Variants in FIBIN observed in about 807,000 individuals in gnomAD.
FIBIN encodes fin bud initiation factor homolog (zebrafish).
Under a neutral mutation model 13.0 loss-of-function variants are expected in FIBIN, and 8 were observed. The observed-to-expected ratio is 0.62, with a 90% CI of 0.36 to 1.11. The LOEUF (loss-of-function observed/expected upper bound fraction) is 1.11. FIBIN is among the 50% of genes most tolerant of loss of function. The probability of loss-of-function intolerance (pLI) is 0.02; values close to 1 mark genes in which losing one functional copy is unlikely to be tolerated. For missense variants in FIBIN, 261 were observed against 260.2 expected, an observed-to-expected ratio of 1.00 and a Z score of -0.02; for synonymous variants, 127 against 114.7, an observed-to-expected ratio of 1.11 and a Z score of -0.69.
Position 26,995,117 on chromosome 11 carries a change from T to A in FIBIN, c.591T>A (p.His197Gln). 2 of 1,612,928 alleles carry A rather than the reference T, an allele frequency of 1.2e-6. No individual in the cohort carries two copies. Among genetic ancestry groups the A allele is most frequent in the Non-Finnish European group, 1.7e-6 (2 of 1,179,622 alleles). ...YELLALTIRS[H>Q]GTRLGRLKND... Reference sequence around the variant, plus strand: ...TGCTGGCCCTCACCATTAGGAGCCATGGGACCCGACTAGGTCGGCTGAAAA... The same window carrying A: ...TGCTGGCCCTCACCATTAGGAGCCAAGGGACCCGACTAGGTCGGCTGAAAA... The change falls in exon 1 of 1, where the codon CAT becomes CAA. Residue 197 changes from histidine (H) to glutamine (Q), a missense_variant. Transcript: ENST00000318627.
rs367758269 is a variant in FIBIN at position 26,994,984 on chromosome 11, G to A, written c.458G>A (p.Arg153Gln). The change falls in exon 1 of 1, where the codon CGG becomes CAG. Residue 153 changes from arginine to glutamine, a missense_variant. By Grantham distance (43) the Arg-to-Gln change is conservative (BLOSUM62 1). Coordinates refer to ENST00000318627, the MANE Select transcript of FIBIN (RefSeq NM_203371.2). ...AAGCAGGGCCAGGAACAGGACAGCC[G>A]GCAGGAGAGCAGGCTCAACGAGGAC... ...KFKQGQEQDS[R>Q]QESRLNEDFL... 3 of 1,614,022 alleles carry A rather than the reference G, an allele frequency of 1.9e-6. No individual in the cohort carries two copies. The highest frequency in any genetic ancestry group is 1.1e-5 in the South Asian group (1 of 91,062).
In FIBIN at chr11:26,996,042, C is replaced by CAATAGGGAA. The variant is rs1850923938; in HGVS notation, c.*880_*881insAATAGGGAA. On this transcript the variant is annotated 3_prime_UTR_variant, in exon 1 of 1. Transcript: ENST00000318627. ...TCTGTCTGTTTATTGGAAACTTGTA[C>CAATAGGGAA]TTCAAGTAGGGGGAATCCTAATTCT... The CAATAGGGAA allele has an allele frequency of 6.0e-6, 1 of 166,616 alleles. No individual in the cohort carries two copies. Among genetic ancestry groups the CAATAGGGAA allele is most frequent in the Admixed American group, 6.5e-5 (1 of 15,272 alleles). 10.3% of individuals were successfully genotyped at this position (166,616 alleles called of 1,614,324 possible).
Position 26,995,412 on chromosome 11 carries a change from T to G in FIBIN, c.*250T>G, listed in dbSNP as rs1464406793. ...AATTGTCACCTGGAAAGAACAATTT[T>G]AAGCAATGTCATTTCTAGATGGGTT... is the stretch of plus-strand genomic sequence containing the variant. On this transcript the variant is annotated 3_prime_UTR_variant, in exon 1 of 1. Coordinates refer to ENST00000318627, the MANE Select transcript of FIBIN (RefSeq NM_203371.2). The G allele has an allele frequency of 5.3e-5, 22 of 414,686 alleles. No homozygotes were observed. Among genetic ancestry groups the G allele is most frequent in the Non-Finnish European group, 8.8e-6 (2 of 227,222 alleles). The allele number at this position is 414,686 out of a possible 1,614,324, so 25.7% of individuals were successfully genotyped here.
chr11:26,994,498 G>A lies in FIBIN; in HGVS notation c.-29G>A. 1.3e-6 allele frequency: 2 copies of A among 1,564,398 alleles called. No individual in the cohort carries two copies. Among genetic ancestry groups the A allele is most frequent in the Non-Finnish European group, 8.7e-7 (1 of 1,152,766 alleles). ...GTGCCTGGGTAAAAAGTCTCCTCCTGGGGTCCCTGGCCATCCTGAATATCC... is the reference window on the plus strand; with the variant it reads ...GTGCCTGGGTAAAAAGTCTCCTCCTAGGGTCCCTGGCCATCCTGAATATCC... On this transcript the variant is annotated 5_prime_UTR_variant, in exon 1 of 1. Coordinates refer to ENST00000318627, the MANE Select transcript of FIBIN (RefSeq NM_203371.2).
chr11:26,994,401 C>A lies in FIBIN; in HGVS notation c.-126C>A. 2.2e-6 allele frequency: 2 copies of A among 900,426 alleles called. No individual in the cohort carries two copies. Among genetic ancestry groups the A allele is most frequent in the Non-Finnish European group, 3.3e-6 (2 of 599,110 alleles). 55.8% of individuals were successfully genotyped at this position (900,426 alleles called of 1,614,324 possible). A position where few individuals can be genotyped will look rare whatever the true frequency, so the allele number is the denominator to read the frequency against. ...CTGCTGGGGACTGGGGGCCAGGGAG[C>A]AGCAAGCCAGCTGGGACTGAGGCGG... On this transcript the variant is annotated 5_prime_UTR_variant, in exon 1 of 1. Coordinates refer to ENST00000318627, the MANE Select transcript of FIBIN (RefSeq NM_203371.2).
rs1850917566 is a variant in FIBIN at position 26,995,516 on chromosome 11, C to T, written c.*354C>T. On this transcript the variant is annotated 3_prime_UTR_variant, in exon 1 of 1. Coordinates refer to ENST00000318627, the MANE Select transcript of FIBIN (RefSeq NM_203371.2). ...GTGGTGCGGAATTAAACTTCCCCAT[C>T]CTGCAGATTATGTGGAAATACCCAA... 5.1e-6 allele frequency: 1 copy of T among 196,298 alleles called. No individual in the cohort carries two copies. Among genetic ancestry groups the T allele is most frequent in the Admixed American group, 5.9e-5 (1 of 16,970 alleles). 12.2% of individuals were successfully genotyped at this position (196,298 alleles called of 1,614,324 possible). A position where few individuals can be genotyped will look rare whatever the true frequency, so the allele number is the denominator to read the frequency against.
chr11:26,994,444 C>T lies in FIBIN; in HGVS notation c.-83C>T. 7.4e-7 allele frequency: 1 copy of T among 1,346,576 alleles called. No homozygotes were observed. The highest frequency in any genetic ancestry group is 1.4e-5 in the South Asian group (1 of 73,190). 83.4% of individuals were successfully genotyped at this position (1,346,576 alleles called of 1,614,324 possible). On this transcript the variant is annotated 5_prime_UTR_variant, in exon 1 of 1. It adds an upstream start codon to the 5' untranslated region. Coordinates refer to ENST00000318627, the MANE Select transcript of FIBIN (RefSeq NM_203371.2). ...TGAGGCGGACGCTGTCTCAGGGAGACGCTGACTCGCAAAGACACTCCCTTC... is the reference window on the plus strand; with the variant it reads ...TGAGGCGGACGCTGTCTCAGGGAGATGCTGACTCGCAAAGACACTCCCTTC...
rs924798966 is a variant in FIBIN at position 26,996,731 on chromosome 11, T to C, written c.*1569T>C. The stretch of plus-strand genomic sequence containing the variant: ...TTTTCCATTCCTATGAACTGTCTAA[T>C]ATCTTTCTATTACAGAAGGGGAAAC... On this transcript the variant is annotated 3_prime_UTR_variant, in exon 1 of 1. Transcript: ENST00000318627. 6.6e-6 allele frequency among the ~76,000 whole-genome samples: 1 copy of C among 152,212 alleles called. No homozygotes were observed. The highest frequency in any genetic ancestry group is 2.4e-5 in the African/African-American group (1 of 41,458).
Position 26,994,202 on chromosome 11 carries a change from A to ACTC in FIBIN, c.-323_-321dup, listed in dbSNP as rs1466848809. The ACTC allele has an allele frequency of 6.9e-6, 2 of 288,426 alleles. No homozygotes were observed. The highest frequency in any genetic ancestry group is 4.3e-5 in the African/African-American group (2 of 45,984). 17.9% of individuals were successfully genotyped at this position (288,426 alleles called of 1,614,324 possible). Reference sequence around the variant, plus strand: ...CTCCATCTCCCGGGAGCAAGGGGAAACTCCGAGAGGAGGGCAACAGAGCCA... The same window carrying ACTC: ...CTCCATCTCCCGGGAGCAAGGGGAAACTCCTCCGAGAGGAGGGCAACAGAGCCA... On this transcript the variant is annotated 5_prime_UTR_variant, in exon 1 of 1. Coordinates refer to ENST00000318627, the MANE Select transcript of FIBIN (RefSeq NM_203371.2).
rs1310450968 is a variant in FIBIN at position 26,996,935 on chromosome 11, C to T, written c.*1773C>T. On this transcript the variant is annotated 3_prime_UTR_variant, in exon 1 of 1. Coordinates refer to ENST00000318627, the MANE Select transcript of FIBIN (RefSeq NM_203371.2). ...CTGTACTTAAAATCAATTATAACTT[C>T]TTTTTGTTACTCAGGGCCCCACTTT... is the stretch of plus-strand genomic sequence containing the variant. Among the ~76,000 whole-genome samples the T allele has an allele frequency of 1.3e-5, 2 of 152,134 alleles. No individual in the cohort carries two copies. Among genetic ancestry groups the T allele is most frequent in the African/African-American group, 4.8e-5 (2 of 41,428 alleles).
chr11:26,994,585 T>C lies in FIBIN; in HGVS notation c.59T>C (p.Phe20Ser). ...TTCTGCCACCTGTGTCAAGGCTACTTCGATGGCCCCCTCTACCCAGAGATG... is the reference window on the plus strand; with the variant it reads ...TTCTGCCACCTGTGTCAAGGCTACTCCGATGGCCCCCTCTACCCAGAGATG... ...SFFCHLCQGYFDGPLYPEMSN... is the reference protein window; with the variant it reads ...SFFCHLCQGYSDGPLYPEMSN... The change falls in exon 1 of 1, where the codon TTC (phenylalanine) becomes TCC (serine). Residue 20 changes from phenylalanine to serine, a missense_variant. By Grantham distance (155) the Phe-to-Ser change is radical. Transcript: ENST00000318627. 1 of 1,613,556 alleles carries C rather than the reference T, an allele frequency of 6.2e-7. No individual in the cohort carries two copies. Among genetic ancestry groups the C allele is most frequent in the Non-Finnish European group, 8.5e-7 (1 of 1,179,696 alleles).
At position 26,994,326 on chromosome 11, in the gene FIBIN, G is replaced by T; in HGVS notation, c.-201G>T. 4 of 530,560 alleles carry T rather than the reference G, an allele frequency of 7.5e-6. No individual in the cohort carries two copies. The South Asian group carries it at 8.9e-5, about 12-fold the overall frequency. 32.9% of individuals were successfully genotyped at this position (530,560 alleles called of 1,614,324 possible). A position where few individuals can be genotyped will look rare whatever the true frequency, so the allele number is the denominator to read the frequency against. On this transcript the variant is annotated 5_prime_UTR_variant, in exon 1 of 1. Transcript: ENST00000318627. Reference sequence around the variant, plus strand: ...GGGCGCAAGGGTGGGTGCATCCTGCGCTGCGGCGGGCGCGCTACCCAGACG... The same window carrying T: ...GGGCGCAAGGGTGGGTGCATCCTGCTCTGCGGCGGGCGCGCTACCCAGACG...
At position 26,994,679 on chromosome 11, in the gene FIBIN, G is replaced by A. The variant is rs764455855; in HGVS notation, c.153G>A (p.Lys51=). The change falls in exon 1 of 1, where the codon AAG becomes AAA. Residue 51 remains lysine, a synonymous_variant. Coordinates refer to ENST00000318627, the MANE Select transcript of FIBIN (RefSeq NM_203371.2). ...GDYEENDDPE[K]CQLLFRVSDH... is the part of the protein sequence containing the mutation. ...ATGAGGAGAACGATGACCCCGAGAAGTGCCAGCTGCTCTTCAGGGTGAGTG... is the reference window on the plus strand; with the variant it reads ...ATGAGGAGAACGATGACCCCGAGAAATGCCAGCTGCTCTTCAGGGTGAGTG... The A allele has an allele frequency of 7.4e-6, 12 of 1,613,772 alleles. No individual in the cohort carries two copies. The highest frequency in any genetic ancestry group is 1.7e-5 in the Admixed American group (1 of 59,994).
chr11:26,994,944 C>CTGGAGAGCA lies in FIBIN; in HGVS notation c.419_427dup (p.Ser142_Lys143insMetGluSer), dbSNP rs774074818. ...CAACTCGGACAAATCCCTCACTGAG[C>CTGGAGAGCA]TGGAGAGCAAGTTCAAGCAGGGCCA... is the stretch of plus-strand genomic sequence containing the variant. On this transcript the variant is annotated inframe_insertion, in exon 1 of 1. Transcript: ENST00000318627. 3.1e-6 allele frequency: 5 copies of CTGGAGAGCA among 1,612,236 alleles called. No individual in the cohort carries two copies. Among genetic ancestry groups the CTGGAGAGCA allele is most frequent in the Non-Finnish European group, 4.2e-6 (5 of 1,179,078 alleles).
In FIBIN at chr11:26,994,548, T is replaced by G. The variant is rs762631076; in HGVS notation, c.22T>G (p.Cys8Gly). The change falls in exon 1 of 1, where the codon TGC becomes GGC. Residue 8 changes from cysteine to glycine, a missense_variant. By Grantham distance (159) the Cys-to-Gly change is radical (BLOSUM62 -3). Coordinates refer to ENST00000318627, the MANE Select transcript of FIBIN (RefSeq NM_203371.2). Reference sequence around the variant, plus strand: ...CAGAATGGTGTTTCTGAAGTTCTTCTGCATGAGTTTCTTCTGCCACCTGTG... The same window carrying G: ...CAGAATGGTGTTTCTGAAGTTCTTCGGCATGAGTTTCTTCTGCCACCTGTG... MVFLKFF[C>G]MSFFCHLCQG... 4.7e-5 allele frequency: 75 copies of G among 1,608,000 alleles called. No homozygotes were observed. The highest frequency in any genetic ancestry group is 1.2e-4 in the Admixed American group (7 of 59,356).
rs959708552 is a variant in FIBIN, at chr11:26,996,514, T to C, written c.*1352T>C. Among the ~76,000 whole-genome samples, 2 of 152,168 alleles carry C rather than the reference T, an allele frequency of 1.3e-5. No homozygotes were observed. Among genetic ancestry groups the C allele is most frequent in the African/African-American group, 4.8e-5 (2 of 41,442 alleles). ...AGCCAGGTCTACATTATTTAATTAA[T>C]GGCTTCAAAAGGTGGAGATGCACTT... On this transcript the variant is annotated 3_prime_UTR_variant, in exon 1 of 1. Transcript: ENST00000318627.
chr11:26,995,218 TG>T lies in FIBIN; in HGVS notation c.*61del. The T allele has an allele frequency of 6.6e-7, 1 of 1,512,760 alleles. No homozygotes were observed. Among genetic ancestry groups the T allele is most frequent in the Non-Finnish European group, 8.9e-7 (1 of 1,127,000 alleles). 93.7% of individuals were successfully genotyped at this position (1,512,760 alleles called of 1,614,324 possible). A position where few individuals can be genotyped will look rare whatever the true frequency, so the allele number is the denominator to read the frequency against. On this transcript the variant is annotated 3_prime_UTR_variant, in exon 1 of 1. Coordinates refer to ENST00000318627, the MANE Select transcript of FIBIN (RefSeq NM_203371.2). ...ATCAAATCAGCCCCGTTTTGGAGGG[TG>T]GGGGACAGAAGATGGGGCTACATTT...
chr11:26,994,383 G>C lies in FIBIN; in HGVS notation c.-144G>C, dbSNP rs573247232. The C allele has an allele frequency of 5.4e-6, 4 of 741,492 alleles. No homozygotes were observed. Among genetic ancestry groups the C allele is most frequent in the African/African-American group, 5.3e-5 (3 of 56,834 alleles). The allele number at this position is 741,492 out of a possible 1,614,324, so 45.9% of individuals were successfully genotyped here. A position where few individuals can be genotyped will look rare whatever the true frequency, so the allele number is the denominator to read the frequency against. ...TGCAGAGCCACATGAAGCCTGCTGG[G>C]GACTGGGGGCCAGGGAGCAGCAAGC... On this transcript the variant is annotated 5_prime_UTR_variant, in exon 1 of 1. Transcript: ENST00000318627.
In FIBIN at chr11:26,995,000, C is replaced by A. The variant is rs765137980; in HGVS notation, c.474C>A (p.Leu158=). ...AGGACAGCCGGCAGGAGAGCAGGCT[C>A]AACGAGGACTTTCTGGGAATGCTGG... The part of the protein sequence containing the change: ...QEQDSRQESR[L]NEDFLGMLVH... The change falls in exon 1 of 1, where the codon CTC becomes CTA. Residue 158 remains leucine (L), a synonymous_variant. Transcript: ENST00000318627. 51 of 1,614,058 alleles carry A rather than the reference C, an allele frequency of 3.2e-5. No individual in the cohort carries two copies. Among genetic ancestry groups the A allele is most frequent in the Non-Finnish European group, 4.3e-5 (51 of 1,180,020 alleles).
Sources: allele counts gnomAD v4.1 joint callset (sites outside exome capture counted in the v4.1 genomes callset), GRCh38; gene constraint gnomAD v4.1.1; transcripts MANE v1.5; gene names NCBI Gene and HGNC (gene_info 2026-07-23, HGNC 2026-07-21).